Variants in SFT2D2 observed in about 807,000 individuals in gnomAD.
SFT2D2 encodes the protein SFT2 domain containing 2, also known as vesicle transport protein SFT2B.
A neutral mutation model predicts 27.4 loss-of-function variants in SFT2D2; 21 were observed. The ratio of observed to expected loss-of-function variants is 0.77; its 90% CI spans 0.54 to 1.10. The LOEUF is 1.10. SFT2D2 is among the 50% of genes least tolerant of loss of function. SFT2D2 has a pLI of 0.00. For missense variants in SFT2D2, 187 were observed against 194.2 expected (o/e 0.96, Z 0.22); for synonymous variants, 72 against 71.7 (o/e 1.00, Z -0.02).
Position 168,246,521 on chromosome 1 carries a change from G to A in SFT2D2, c.*3981G>A. On this transcript the variant is annotated 3_prime_UTR_variant, in exon 8 of 8. Transcript: ENST00000271375. ...CTTGTGTTATGGAGCTCAGTTTTGAGGCACCTGGACTTACTCTCAGCTTTA... is the reference window on the plus strand; with the variant it reads ...CTTGTGTTATGGAGCTCAGTTTTGAAGCACCTGGACTTACTCTCAGCTTTA... The A allele has an allele frequency of 1.3e-6, 2 of 1,484,994 alleles. No homozygotes were observed. The highest frequency in any genetic ancestry group is 1.1e-5 in the South Asian group (1 of 87,982). 92.0% of individuals were successfully genotyped at this position (1,484,994 alleles called of 1,614,324 possible).
chr1:168,231,719 G>C (rs1000284430), intron 2 of SFT2D2, 115 bp from the exon 3 acceptor site: 2 of 1,424,032 alleles, frequency 1.4e-6, no homozygotes, highest in Non-Finnish European at 2.0e-6. Context: ...GAGAGGAGAG[G>C]GGAATAAGGG....
In SFT2D2 at chr1:168,246,847, C is replaced by T; in HGVS notation, c.*4307C>T. On this transcript the variant is annotated 3_prime_UTR_variant, in exon 8 of 8. Coordinates refer to ENST00000271375, the MANE Select transcript of SFT2D2 (RefSeq NM_199344.3). ...GATTTTTCCCCATTCTGTTTTAGAG[C>T]CTTTTGAAGGTCTTCATGCTTTCTT... is the stretch of plus-strand genomic sequence containing the variant. The T allele has an allele frequency of 1.5e-6, 1 of 663,792 alleles. No individual in the cohort carries two copies. Among genetic ancestry groups the T allele is most frequent in the Non-Finnish European group, 2.6e-6 (1 of 383,816 alleles). 41.1% of individuals were successfully genotyped at this position (663,792 alleles called of 1,614,324 possible).
Position 168,236,762 on chromosome 1 carries a change from A to G in SFT2D2, c.405A>G (p.Ala135=). 1 of 1,614,190 alleles carries G rather than the reference A, an allele frequency of 6.2e-7. No individual in the cohort carries two copies. Among genetic ancestry groups the G allele is most frequent in the Non-Finnish European group, 8.5e-7 (1 of 1,180,020 alleles). The part of the protein sequence containing the change: ...ALIFCILQSL[A]LTWYSLSFIP... The stretch of plus-strand genomic sequence containing the variant: ...TCTTCTGCATTTTGCAGTCTTTGGC[A>G]TTGACGTGGTAAGTAACCTTTTAAA... The change falls in exon 6 of 8, where the codon GCA becomes GCG. Residue 135 remains alanine (A), a synonymous_variant. Transcript: ENST00000271375.
At chr1:168,242,021 G>A (rs1356927566) in intron 7 of SFT2D2, among the ~76,000 whole-genome samples, 1 of 152,136 alleles carries the variant, frequency 6.6e-6, no homozygotes, top group Non-Finnish European at 1.5e-5. Context: ...TGAATTCCAA[G>A]CAGTAAATAC....
intron 7 of SFT2D2, among the ~76,000 whole-genome samples, chr1:168,240,643 G>A (rs907642208): frequency 3.9e-5 from 6 of 152,262 alleles, no homozygotes; most frequent in Admixed American, 3.3e-4. Flanking sequence ...GGCCGGGCAC[G>A]GTAGCTCAGC....
At chr1:168,237,128 G>T (rs1647525235) in intron 6 of SFT2D2, among the ~76,000 whole-genome samples, 1 of 152,206 alleles carries the variant, frequency 6.6e-6, no homozygotes, top group Non-Finnish European at 1.5e-5. Context: ...AAAAAGGCTT[G>T]TGAGTCCAAT....
In SFT2D2 at chr1:168,252,172, G is replaced by A. The variant is rs575024199; in HGVS notation, c.*9632G>A. 2 of 152,142 alleles carry A rather than the reference G, an allele frequency of 1.3e-5. No individual in the cohort carries two copies. Among genetic ancestry groups the A allele is most frequent in the Non-Finnish European group, 2.9e-5 (2 of 68,034 alleles). The allele number at this position is 152,142 out of a possible 1,614,324, so 9.4% of individuals were successfully genotyped here. On this transcript the variant is annotated 3_prime_UTR_variant, in exon 8 of 8. Transcript: ENST00000271375. ...CTTTTCTAGCAGGAGCAGATAAACT[G>A]ATAATGGTCTTAGAAATGTAGAAAA...
rs1278097393 is a variant in SFT2D2, at chr1:168,231,824, T to C, written c.151-10T>C. ...TTGCTCATGTGCAAACACTGTACTTTAAATTCCAGGGTACTGTTCTGCTGT... is the reference window on the plus strand; with the variant it reads ...TTGCTCATGTGCAAACACTGTACTTCAAATTCCAGGGTACTGTTCTGCTGT... On this transcript the variant is annotated splice_polypyrimidine_tract_variant and intron_variant, in intron 2 of 7. Transcript: ENST00000271375. The C allele has an allele frequency of 1.9e-6, 3 of 1,613,746 alleles. No individual in the cohort carries two copies. Among genetic ancestry groups the C allele is most frequent in the South Asian group, 2.2e-5 (2 of 91,078 alleles).
In SFT2D2 at chr1:168,228,043, T is replaced by C. The variant is rs144923484; in HGVS notation, c.63+1901T>C. Among the ~76,000 whole-genome samples the C allele has an allele frequency of 2.5e-3, 379 of 152,344 alleles. 2 individuals are homozygous for C. The highest frequency in any genetic ancestry group is 8.8e-3 in the African/African-American group (365 of 41,574). On this transcript the variant is annotated intron_variant, in intron 1 of 7. Transcript: ENST00000271375. ...ATCTAATTTAAAAAGAATAGGTGCT[T>C]CGTTCTTGTTTTAAAATACTTTGGT...
intron 6 of SFT2D2, 43 bp from the exon 7 acceptor site, chr1:168,239,088 T>G: frequency 6.7e-7 from 1 of 1,483,888 alleles, no homozygotes; most frequent in Non-Finnish European, 9.4e-7. Context: ...AATCTGCTAC[T>G]CCCTTCATCT....
rs1488985196 is a variant in SFT2D2, at chr1:168,251,967, A to G, written c.*9427A>G. On this transcript the variant is annotated 3_prime_UTR_variant, in exon 8 of 8. Transcript: ENST00000271375. ...TTAAGAAGAAAGTCCAGCGAAGTTT[A>G]CTTGATCTCAGTTGCACTCAAGAAT... 2 of 152,178 alleles carry G rather than the reference A, an allele frequency of 1.3e-5. No homozygotes were observed. The highest frequency in any genetic ancestry group is 2.9e-5 in the Non-Finnish European group (2 of 68,024). The allele number at this position is 152,178 out of a possible 1,614,324, so 9.4% of individuals were successfully genotyped here.
In SFT2D2 at chr1:168,250,381, G is replaced by A. The variant is rs1647922616; in HGVS notation, c.*7841G>A. ...AGTAAAGAATTAGGGTTTCAGACCT[G>A]TAGTTAATGATGGTCTCTGTCTCCC... is the stretch of plus-strand genomic sequence containing the variant. On this transcript the variant is annotated 3_prime_UTR_variant, in exon 8 of 8. Transcript: ENST00000271375. 1 of 152,256 alleles carries A rather than the reference G, an allele frequency of 6.6e-6. No individual in the cohort carries two copies. The highest frequency in any genetic ancestry group is 1.5e-5 in the Non-Finnish European group (1 of 68,056). The allele number at this position is 152,256 out of a possible 1,614,324, so 9.4% of individuals were successfully genotyped here.
chr1:168,229,288 C>T (rs1193509523), intron 1 of SFT2D2, among the ~76,000 whole-genome samples: 1 of 152,176 alleles, frequency 6.6e-6, no homozygotes, highest in African/African-American at 2.4e-5. Context: ...GGCTCGATCT[C>T]GGCTCACTGC....
Position 168,246,451 on chromosome 1 carries a change from C to G in SFT2D2, c.*3911C>G, listed in dbSNP as rs1030975922. 8.1e-7 allele frequency: 1 copy of G among 1,238,440 alleles called. No individual in the cohort carries two copies. Among genetic ancestry groups the G allele is most frequent in the Admixed American group, 2.6e-5 (1 of 39,116 alleles). 76.7% of individuals were successfully genotyped at this position (1,238,440 alleles called of 1,614,324 possible). A position where few individuals can be genotyped will look rare whatever the true frequency, so the allele number is the denominator to read the frequency against. On this transcript the variant is annotated 3_prime_UTR_variant, in exon 8 of 8. Transcript: ENST00000271375. ...ATTTGACACCGTTTGGTTTAGCTCT[C>G]TTTGTATGTGTTCAAAAACCAAAGC...
Position 168,236,476 on chromosome 1 carries a change from CT to C in SFT2D2, c.319-110del, listed in dbSNP as rs2102331065. On this transcript the variant is annotated intron_variant, in intron 4 of 7. Transcript: ENST00000271375. The stretch of plus-strand genomic sequence containing the variant: ...TATGGGTGCTCAGGTGGGTTAACTG[CT>C]TTGAGATGAAGGATGCATAAGTTTT... 7.7e-6 allele frequency: 8 copies of C among 1,038,146 alleles called. No individual in the cohort carries two copies. In the South Asian group the frequency reaches 8.7e-5, roughly 11 times the overall value. The allele number at this position is 1,038,146 out of a possible 1,614,324, so 64.3% of individuals were successfully genotyped here.
intron 3 of SFT2D2, among the ~76,000 whole-genome samples, chr1:168,234,075 T>C (rs1363803731): frequency 6.6e-6 from 1 of 152,212 alleles, no homozygotes; most frequent in East Asian, 1.9e-4. Flanking sequence ...TTACTCTTGC[T>C]AGCCATCTCT....
chr1:168,248,473 A>G lies in SFT2D2; in HGVS notation c.*5933A>G, dbSNP rs749991648. 1.3e-5 allele frequency: 2 copies of G among 152,272 alleles called. No individual in the cohort carries two copies. The highest frequency in any genetic ancestry group is 2.9e-5 in the Non-Finnish European group (2 of 68,100). The allele number at this position is 152,272 out of a possible 1,614,324, so 9.4% of individuals were successfully genotyped here. Reference sequence around the variant, plus strand: ...GAATGCCTCTAGTTTTTGCCCATTCAGTATGATATTGGCTGTGGGTTTGTC... The same window carrying G: ...GAATGCCTCTAGTTTTTGCCCATTCGGTATGATATTGGCTGTGGGTTTGTC... On this transcript the variant is annotated 3_prime_UTR_variant, in exon 8 of 8. Transcript: ENST00000271375.
intron 1 of SFT2D2, among the ~76,000 whole-genome samples, chr1:168,226,730 GTGTCTC>G (rs1203213087): frequency 6.6e-6 from 1 of 152,236 alleles, no homozygotes; most frequent in East Asian, 1.9e-4. Flanking sequence ...ACCACATCTT[GTGTCTC>G]TGTCCACACT....
At position 168,249,050 on chromosome 1, in the gene SFT2D2, C is replaced by T. The variant is rs1040847471; in HGVS notation, c.*6510C>T. On this transcript the variant is annotated 3_prime_UTR_variant, in exon 8 of 8. Coordinates refer to ENST00000271375, the MANE Select transcript of SFT2D2 (RefSeq NM_199344.3). ...TTTTCAAAAAACCAGCTCCTGGATTCATTGTTTTTTTCGTGGTCTCTATCT... is the reference window on the plus strand; with the variant it reads ...TTTTCAAAAAACCAGCTCCTGGATTTATTGTTTTTTTCGTGGTCTCTATCT... 1 of 151,982 alleles carries T rather than the reference C, an allele frequency of 6.6e-6. No individual in the cohort carries two copies. The highest frequency in any genetic ancestry group is 2.4e-5 in the African/African-American group (1 of 41,368). The allele number at this position is 151,982 out of a possible 1,614,324, so 9.4% of individuals were successfully genotyped here. A position where few individuals can be genotyped will look rare whatever the true frequency, so the allele number is the denominator to read the frequency against.
Sources: allele counts gnomAD v4.1 joint callset (sites outside exome capture counted in the v4.1 genomes callset), GRCh38; gene constraint gnomAD v4.1.1; transcripts MANE v1.5; gene names NCBI Gene and HGNC (gene_info 2026-07-23, HGNC 2026-07-21).